Variants in GPC5 observed in about 807,000 individuals in gnomAD.
The protein encoded by GPC5 is glypican-5.
GPC5 carries 47 observed loss-of-function variants against 53.9 expected under a neutral mutation model. That is an observed-to-expected ratio of 0.87 (90% CI 0.69 to 1.11). The LOEUF (loss-of-function observed/expected upper bound fraction) is 1.11, where lower values mean the gene tolerates loss of function less well. Ranked by LOEUF, GPC5 falls within the 50% of genes most tolerant of loss-of-function variation. The pLI, the probability that GPC5 is intolerant of heterozygous loss-of-function variation, is 0.00. For synonymous variants in GPC5, 286 were observed against 263.3 expected, an observed-to-expected ratio of 1.09 and a Z score of -0.84; for missense variants, 748 against 713.1, an observed-to-expected ratio of 1.05 and a Z score of -0.56.
intron 5 of GPC5, among the ~76,000 whole-genome samples, chr13:91,854,941 AT>A (rs918575459): frequency 6.6e-6 from 1 of 151,344 alleles, no homozygotes; most frequent in Non-Finnish European, 1.5e-5. Flanking sequence ...AAGTCACACG[AT>A]TTTTTTTCTA....
intron 7 of GPC5, among the ~76,000 whole-genome samples, chr13:92,599,480 T>C (rs970061263): frequency 6.6e-6 from 1 of 152,152 alleles, no homozygotes; most frequent in Non-Finnish European, 1.5e-5. Context: ...CTGAACACAG[T>C]TCAAGGCAAG....
chr13:92,604,998 T>A (rs1240386447), intron 7 of GPC5, among the ~76,000 whole-genome samples: 4 of 152,230 alleles, frequency 2.6e-5, no homozygotes, highest in African/African-American at 2.4e-5. Flanking sequence ...AGTCACTGAA[T>A]GTCAACCAGA....
chr13:92,033,574 CTA>C (rs903487583), intron 6 of GPC5, among the ~76,000 whole-genome samples: 2 of 152,170 alleles, frequency 1.3e-5, no homozygotes, highest in African/African-American at 4.8e-5. Context: ...TACAATCAAT[CTA>C]ATTTTCAGGC....
intron 5 of GPC5, among the ~76,000 whole-genome samples, chr13:91,787,415 C>G (rs1448975434): frequency 1.4e-4 from 22 of 152,058 alleles, no homozygotes; most frequent in Admixed American, 1.3e-3. Flanking sequence ...AATGCTTTCT[C>G]TATCTGAGGT....
At chr13:91,820,825 T>C (rs958218069) in intron 5 of GPC5, among the ~76,000 whole-genome samples, 11 of 151,652 alleles carry the variant, frequency 7.3e-5, no homozygotes, top group African/African-American at 2.7e-4. Context: ...TAGCCGGGCG[T>C]GGTGGTGGGC....
chr13:92,610,377 A>T lies in GPC5; in HGVS notation c.1562-255905A>T, dbSNP rs114054153. Reference sequence around the variant, plus strand: ...CCTAATGACATATTGATAATAGTTTATAAATGTTCTAATTTCAGCTAGGAG... The same window carrying T: ...CCTAATGACATATTGATAATAGTTTTTAAATGTTCTAATTTCAGCTAGGAG... On this transcript the variant is annotated intron_variant, in intron 7 of 7. Transcript: ENST00000377067. Among the ~76,000 whole-genome samples, 503 of 152,316 alleles carry T rather than the reference A, an allele frequency of 3.3e-3. 1 individual carries two copies. The highest frequency in any genetic ancestry group is 0.012 in the African/African-American group (480 of 41,558).
Position 92,604,939 on chromosome 13 carries a change from T to C in GPC5, c.1562-261343T>C, listed in dbSNP as rs73621587. On this transcript the variant is annotated intron_variant, in intron 7 of 7. Coordinates refer to ENST00000377067, the MANE Select transcript of GPC5 (RefSeq NM_004466.6). ...TTGTGGAATCTTGCTGACTCTTCAT[T>C]AAGGAATTTGAGGGCAATTTAGGCA... is the stretch of plus-strand genomic sequence containing the variant. 7.3e-3 allele frequency among the ~76,000 whole-genome samples: 1,109 copies of C among 152,328 alleles called. 12 individuals are homozygous for C. The highest frequency in any genetic ancestry group is 0.025 in the African/African-American group (1,036 of 41,566).
intron 7 of GPC5, among the ~76,000 whole-genome samples, chr13:92,613,330 AATATAATATATTTATATATAAAT>A (rs1254670360): frequency 7.1e-5 from 7 of 99,194 alleles, no homozygotes; most frequent in Admixed American, 4.9e-4. Context: ...ATATTTATAT[AATATAATATATTTATATATAAAT>A]ATATAATATA....
chr13:92,755,760 C>T (rs1874833506), intron 7 of GPC5, among the ~76,000 whole-genome samples: 1 of 140,798 alleles, frequency 7.1e-6, no homozygotes, highest in Admixed American at 7.4e-5. Context: ...GACACATACA[C>T]TCTCCCAAGA....
chr13:91,593,268 A>G (rs1041903562), intron 2 of GPC5, among the ~76,000 whole-genome samples: 2 of 152,120 alleles, frequency 1.3e-5, no homozygotes, highest in Non-Finnish European at 1.5e-5. Context: ...TGTCTGCGTG[A>G]TACCTTCATC....
intron 7 of GPC5, among the ~76,000 whole-genome samples, chr13:92,203,965 A>G (rs1264461679): frequency 6.6e-6 from 1 of 152,192 alleles, no homozygotes; most frequent in African/African-American, 2.4e-5. Context: ...ACTTCTCAAT[A>G]GTAAAACAAA....
At chr13:92,480,206 A>G (rs1879295875) in intron 7 of GPC5, among the ~76,000 whole-genome samples, 1 of 152,212 alleles carries the variant, frequency 6.6e-6, no homozygotes, top group South Asian at 2.1e-4. Flanking sequence ...TTTAGCAAAC[A>G]GTAGCTGACT....
chr13:92,613,371 A>G (rs9516097), intron 7 of GPC5, among the ~76,000 whole-genome samples: 1 of 84,196 alleles, frequency 1.2e-5, no homozygotes, highest in East Asian at 4.8e-4. Flanking sequence ...ATATTTATAT[A>G]TAAATATATT....
chr13:91,447,627 A>C (rs1317486440), intron 1 of GPC5, among the ~76,000 whole-genome samples: 2 of 152,094 alleles, frequency 1.3e-5, no homozygotes, highest in Non-Finnish European at 2.9e-5. Flanking sequence ...ACCTGAGGCC[A>C]ACTCTGTGTG....
intron 7 of GPC5, among the ~76,000 whole-genome samples, chr13:92,725,382 T>C (rs1214286512): frequency 6.6e-6 from 1 of 151,486 alleles, no homozygotes; most frequent in Non-Finnish European, 1.5e-5. Flanking sequence ...AACACACAAT[T>C]CACTTTCAGA....
intron 7 of GPC5, among the ~76,000 whole-genome samples, chr13:92,672,747 G>C (rs1021299596): frequency 1.3e-5 from 2 of 152,168 alleles, no homozygotes; most frequent in Admixed American, 6.6e-5. Flanking sequence ...CATGGATGGA[G>C]CTGGAGGCCA....
intron 6 of GPC5, among the ~76,000 whole-genome samples, chr13:92,078,515 G>A (rs2041270332): frequency 6.6e-6 from 1 of 152,168 alleles, no homozygotes; most frequent in African/African-American, 2.4e-5. Flanking sequence ...TGCTATGTAA[G>A]TGTTAGCCAT....
intron 5 of GPC5, among the ~76,000 whole-genome samples, chr13:91,907,335 A>G (rs560455945): frequency 2.0e-5 from 3 of 147,916 alleles, no homozygotes; most frequent in Non-Finnish European, 3.0e-5. Flanking sequence ...TATCATTATT[A>G]AAAAGTTTAA....
At chr13:92,035,214 CAAAAA>C (rs11410459) in intron 6 of GPC5, among the ~76,000 whole-genome samples, 1 of 119,838 alleles carries the variant, frequency 8.3e-6, no homozygotes, top group Non-Finnish European at 1.7e-5. Flanking sequence ...GACTCCGTCT[CAAAAA>C]AAAAAAAAAA....
Sources: allele counts gnomAD v4.1 joint callset (sites outside exome capture counted in the v4.1 genomes callset), GRCh38; gene constraint gnomAD v4.1.1; transcripts MANE v1.5; gene names NCBI Gene and HGNC (gene_info 2026-07-23, HGNC 2026-07-21).